The following COL25A1 variants were observed in gnomAD, a reference collection of about 807,000 sequenced individuals.
COL25A1 encodes the protein collagen type XXV alpha 1 chain, also known as collagen alpha-1(XXV) chain.
A neutral mutation model predicts 128.4 loss-of-function variants in COL25A1; 103 were observed. That is an observed-to-expected ratio of 0.80 (90% CI 0.68 to 0.94). The LOEUF is 0.94. Among genes scored for constraint, COL25A1 ranks in the 40% least tolerant of loss-of-function variants. The probability of loss-of-function intolerance (pLI) is 0.00; values close to 1 mark genes in which losing one functional copy is unlikely to be tolerated. For missense variants in COL25A1, 745 were observed against 840.0 expected (o/e 0.89, Z 1.40); for synonymous variants, 279 against 277.2 (o/e 1.01, Z -0.06).
At chr4:109,201,653 G>A (rs1776565715) in intron 3 of COL25A1, among the ~76,000 whole-genome samples, 1 of 152,028 alleles carries the variant, frequency 6.6e-6, no homozygotes, top group South Asian at 2.1e-4. Flanking sequence ...ATAAGACAAG[G>A]AAAGGATATA....
chr4:108,961,756 G>A (rs1484174241), intron 8 of COL25A1, among the ~76,000 whole-genome samples: 1 of 152,100 alleles, frequency 6.6e-6, no homozygotes. Flanking sequence ...CAAAGTGATG[G>A]CTTCCTTTCA....
chr4:109,058,900 A>G (rs1197300481), intron 3 of COL25A1, among the ~76,000 whole-genome samples: 1 of 152,240 alleles, frequency 6.6e-6, no homozygotes, highest in African/African-American at 2.4e-5. Flanking sequence ...GTGATGGAAA[A>G]TGAATAAACA....
chr4:109,056,453 A>T (rs2125954362), intron 3 of COL25A1, among the ~76,000 whole-genome samples: 1 of 152,304 alleles, frequency 6.6e-6, no homozygotes, highest in Non-Finnish European at 1.5e-5. Flanking sequence ...TTTTAGATCA[A>T]ATAAAAATAT....
At chr4:109,062,395 A>C (rs1236243858) in intron 3 of COL25A1, among the ~76,000 whole-genome samples, 2 of 152,214 alleles carry the variant, frequency 1.3e-5, no homozygotes, top group Admixed American at 1.3e-4. Flanking sequence ...TTTTATTATG[A>C]TATCAAGTAA....
intron 3 of COL25A1, among the ~76,000 whole-genome samples, chr4:109,283,078 C>T (rs1391584049): frequency 1.3e-5 from 2 of 152,086 alleles, no homozygotes; most frequent in African/African-American, 4.8e-5. Context: ...ATGTGTCACA[C>T]ACAAAAACTA....
At chr4:108,983,547 A>T (rs1427833858) in intron 6 of COL25A1, among the ~76,000 whole-genome samples, 1 of 152,130 alleles carries the variant, frequency 6.6e-6, no homozygotes, top group African/African-American at 2.4e-5. Flanking sequence ...TTGTGTCCAG[A>T]ATTGGTGGGT....
At chr4:108,962,982 T>C (rs1750896096) in intron 8 of COL25A1, among the ~76,000 whole-genome samples, 1 of 152,182 alleles carries the variant, frequency 6.6e-6, no homozygotes, top group Admixed American at 6.5e-5. Flanking sequence ...ACAGGCTGTG[T>C]CTGCTACAGG....
chr4:109,218,357 G>GTTTTTTTTTTTTTGTTTTTTTTTTTTTTT (rs1778170328), intron 3 of COL25A1, among the ~76,000 whole-genome samples: 1 of 73,530 alleles, frequency 1.4e-5, no homozygotes, highest in Admixed American at 2.1e-4. Context: ...GTTTTTTGGG[G>GTTTTTTTTTTTTTGTTTTTTTTTTTTTTT]TTTTTTTTTT....
At chr4:109,050,577 G>T (rs2125942498) in intron 3 of COL25A1, among the ~76,000 whole-genome samples, 1 of 152,176 alleles carries the variant, frequency 6.6e-6, no homozygotes, top group Admixed American at 6.5e-5. Flanking sequence ...AAGTCCAAAT[G>T]ATTTACAGTT....
chr4:109,057,298 T>TA (rs1761532948), intron 3 of COL25A1, among the ~76,000 whole-genome samples: 1 of 151,996 alleles, frequency 6.6e-6, no homozygotes, highest in Non-Finnish European at 1.5e-5. Flanking sequence ...GACAGAGTCT[T>TA]ACTCTGTCAC....
At chr4:109,161,557 G>C (rs977746670) in intron 3 of COL25A1, among the ~76,000 whole-genome samples, 4 of 152,188 alleles carry the variant, frequency 2.6e-5, no homozygotes, top group Non-Finnish European at 5.9e-5. Flanking sequence ...TTAGGAAAGA[G>C]ATAAGGGAAT....
rs904425267 is a variant in COL25A1, at chr4:108,827,050, C to T, written c.1764+85G>A. ...TTGTTTCTTCTCTAACATTAGTCTG[C>T]CCCACAAGCGAAGGGTTAACCGTGT... On this transcript the variant is annotated intron_variant, in intron 33 of 37. Transcript: ENST00000399132. The T allele has an allele frequency of 1.1e-5, 13 of 1,146,064 alleles. No individual in the cohort carries two copies. In the African/African-American group the frequency reaches 1.4e-4, roughly 12 times the overall value. The allele number at this position is 1,146,064 out of a possible 1,614,324, so 71.0% of individuals were successfully genotyped here.
chr4:108,817,255 T>C (rs911645441), intron 37 of COL25A1, 142 bp downstream of exon 37: 1 of 735,598 alleles, frequency 1.4e-6, no homozygotes, highest in African/African-American at 1.8e-5. Flanking sequence ...AAATCAGCAG[T>C]AAATATACTG....
chr4:109,161,151 C>T (rs1029138587), intron 3 of COL25A1, among the ~76,000 whole-genome samples: 1 of 152,114 alleles, frequency 6.6e-6, no homozygotes, highest in African/African-American at 2.4e-5. Flanking sequence ...ATTTCAACTA[C>T]ATCATGATCT....
intron 3 of COL25A1, among the ~76,000 whole-genome samples, chr4:109,068,442 G>A (rs984103642): frequency 2.0e-5 from 3 of 152,000 alleles, no homozygotes; most frequent in African/African-American, 7.3e-5. Context: ...GCAGGGAAGA[G>A]GAGGGAGGTA....
In COL25A1 at chr4:109,010,370, C is replaced by G. The variant is rs755208025; in HGVS notation, c.426G>C (p.Gln142His). The G allele has an allele frequency of 4.4e-6, 7 of 1,577,164 alleles. No homozygotes were observed. The East Asian group carries it at 9.2e-5, about 21-fold the overall frequency. Reference sequence around the variant, plus strand: ...AGAATTACCTTACCTGAGGACCAGGCTGTCCCTGAAATTAAAAAGAAAAAG... The same window carrying G: ...AGAATTACCTTACCTGAGGACCAGGGTGTCCCTGAAATTAAAAAGAAAAAG... ...GRRGESGPPG[Q>H]PGPQGPPGPK... Residue 142 changes from glutamine (Q) to histidine (H), a missense_variant, in exon 6 of 38, where the codon CAG (glutamine) becomes CAC (histidine). Gln to His is a conservative substitution (Grantham distance 24). This residue lies in a region of COL25A1 where 319 missense variants were observed against 324.9 expected (regional missense o/e 0.98). Transcript: ENST00000399132.
At chr4:109,105,998 TC>T (rs1387271134) in intron 3 of COL25A1, among the ~76,000 whole-genome samples, 1 of 152,218 alleles carries the variant, frequency 6.6e-6, no homozygotes, top group Non-Finnish European at 1.5e-5. Context: ...ATTAAGGATG[TC>T]AGACACCATC....
intron 8 of COL25A1, among the ~76,000 whole-genome samples, chr4:108,956,050 G>C (rs1023786524): frequency 6.6e-6 from 1 of 152,124 alleles, no homozygotes; most frequent in African/African-American, 2.4e-5. Context: ...AGAAATAGAA[G>C]AGAGAAAAAG....
At chr4:109,291,081 C>T (rs1206596894) in intron 3 of COL25A1, among the ~76,000 whole-genome samples, 1 of 152,128 alleles carries the variant, frequency 6.6e-6, no homozygotes, top group Non-Finnish European at 1.5e-5. Flanking sequence ...ACTTGTAGAA[C>T]TGCTGTGTCA....
Sources: allele counts gnomAD v4.1 joint callset (sites outside exome capture counted in the v4.1 genomes callset), GRCh38; gene constraint gnomAD v4.1.1; regional missense constraint gnomAD v4.1.1; transcripts MANE v1.5; gene names NCBI Gene and HGNC (gene_info 2026-07-23, HGNC 2026-07-21).